Variants in PRKCH observed in about 807,000 individuals in gnomAD.
The protein encoded by PRKCH is protein kinase C eta, also known as protein kinase C eta type.
In PRKCH, 28 loss-of-function variants were observed where a neutral mutation model predicts 82.5. That is an observed-to-expected ratio of 0.34 (90% confidence interval 0.25 to 0.47). The LOEUF (loss-of-function observed/expected upper bound fraction) is 0.47. Among genes scored for constraint, PRKCH ranks in the 20% least tolerant of loss-of-function variants. The pLI is 1.00. For synonymous variants in PRKCH, 322 were observed against 327.4 expected (o/e 0.98, Z 0.18); for missense variants, 705 against 881.8 (o/e 0.80, Z 2.54).
At chr14:61,287,723 A>AG (rs1317782453) in intron 1 of PRKCH, among the ~76,000 whole-genome samples, 2 of 152,050 alleles carry the variant, frequency 1.3e-5, no homozygotes, top group Non-Finnish European at 2.9e-5. Context: ...GAAAAAAAAA[A>AG]AAGAAACTGA....
intron 1 of PRKCH, among the ~76,000 whole-genome samples, chr14:61,250,041 C>T (rs1268739539): frequency 6.7e-6 from 1 of 148,996 alleles, no homozygotes; most frequent in African/African-American, 2.5e-5. Flanking sequence ...GGGTGGATCA[C>T]TTGAGGTCAG....
At chr14:61,361,800 T>C (rs2046228723) in intron 1 of PRKCH, among the ~76,000 whole-genome samples, 2 of 152,216 alleles carry the variant, frequency 1.3e-5, no homozygotes, top group Non-Finnish European at 2.9e-5. Flanking sequence ...TTCAGAAAGA[T>C]CTTTAAAAAT....
chr14:61,459,810 A>G (rs1407345681), intron 9 of PRKCH, among the ~76,000 whole-genome samples: 1 of 152,182 alleles, frequency 6.6e-6, no homozygotes, highest in African/African-American at 2.4e-5. Flanking sequence ...AACACAAATA[A>G]TAGTATACTT....
At chr14:61,388,811 T>C (rs2046629576) in intron 1 of PRKCH, among the ~76,000 whole-genome samples, 1 of 152,174 alleles carries the variant, frequency 6.6e-6, no homozygotes, top group South Asian at 2.1e-4. Context: ...TTAACAGTAG[T>C]CATGATGCAA....
chr14:61,233,397 A>AG (rs1446226595), intron 1 of PRKCH, among the ~76,000 whole-genome samples: 1 of 151,276 alleles, frequency 6.6e-6, no homozygotes, highest in East Asian at 2.0e-4. Flanking sequence ...TCTCAAAAAA[A>AG]AAGAAAAAAA....
chr14:61,280,718 C>T lies in PRKCH; in HGVS notation c.-19+93050C>T, dbSNP rs1433601304. 1 of 1,577,688 alleles carries T rather than the reference C, an allele frequency of 6.3e-7. No individual in the cohort carries two copies. Among genetic ancestry groups the T allele is most frequent in the Admixed American group, 1.8e-5 (1 of 55,376 alleles). On this transcript the variant is annotated intron_variant, in intron 1 of 3. Transcript: ENST00000555185. This position sits in a 1 kb window ranked among gnomAD's most constrained non-coding sequence, Gnocchi z 5.0. ...CGCTGGTAGGGGGCGCACTCGTTGA[C>T]AGGGTGGCGCAGCGCGCTGGGGAGT...
chr14:61,235,702 C>T (rs569095377), intron 1 of PRKCH, among the ~76,000 whole-genome samples: 1 of 152,302 alleles, frequency 6.6e-6, no homozygotes, highest in South Asian at 2.1e-4. Flanking sequence ...AAACTTTTAT[C>T]TTTGTTAAAA....
At chr14:61,211,541 G>C (rs10444726) in intron 1 of PRKCH, among the ~76,000 whole-genome samples, 74,431 of 152,042 alleles carry the variant, frequency 0.49, 20,223 homozygotes, top group Non-Finnish European at 0.6. Flanking sequence ...AGGATGCTTT[G>C]CATATAGTAG....
intron 1 of PRKCH, among the ~76,000 whole-genome samples, chr14:61,233,873 T>C (rs1369209523): frequency 6.6e-6 from 1 of 152,142 alleles, no homozygotes; most frequent in Non-Finnish European, 1.5e-5. Context: ...GTATGTCTTT[T>C]TTAGCAGCAT....
chr14:61,322,007 C>G lies in PRKCH; in HGVS notation c.-95C>G. The G allele has an allele frequency of 2.2e-6, 3 of 1,366,572 alleles. No individual in the cohort carries two copies. Among genetic ancestry groups the G allele is most frequent in the South Asian group, 1.5e-5 (1 of 67,662 alleles). 84.7% of individuals were successfully genotyped at this position (1,366,572 alleles called of 1,614,324 possible). A position where few individuals can be genotyped will look rare whatever the true frequency, so the allele number is the denominator to read the frequency against. On this transcript the variant is annotated 5_prime_UTR_variant, in exon 1 of 14. Transcript: ENST00000332981. ...GCCTTTCCCCAGGGCTGCCTCGACT[C>G]CTGCACCTGTCCCGAGGGCTGGCCT...
At chr14:61,327,925 A>G (rs1462803216) in intron 1 of PRKCH, among the ~76,000 whole-genome samples, 1 of 152,248 alleles carries the variant, frequency 6.6e-6, no homozygotes, top group Non-Finnish European at 1.5e-5. Flanking sequence ...CCTCTGTTAA[A>G]TCAATCAATG....
chr14:61,525,682 A>C (rs1092183), intron 10 of PRKCH: 8 of 152,078 alleles, frequency 5.3e-5, no homozygotes, highest in Non-Finnish European at 1.0e-4. Flanking sequence ...CTGCGGGTCA[A>C]CGCTTGAGAC....
In PRKCH at chr14:61,280,345, C is replaced by T. The variant is rs2140092050; in HGVS notation, c.-19+92677C>T. The T allele has an allele frequency of 6.2e-7, 1 of 1,613,888 alleles. No individual in the cohort carries two copies. ...GGCCGAGTAGTTGCCCTGGCGGATG[C>T]GCGCGTACAGTTTGCGGAACGTGGG... On this transcript the variant is annotated intron_variant, in intron 1 of 3. Transcript: ENST00000555185. The surrounding 1 kb of genome is among the most constrained non-coding windows in gnomAD (Gnocchi z 5.0).
At chr14:61,265,348 G>A (rs1442723621) in intron 1 of PRKCH, among the ~76,000 whole-genome samples, 1 of 152,132 alleles carries the variant, frequency 6.6e-6, no homozygotes, top group Non-Finnish European at 1.5e-5. Flanking sequence ...GGGCATGGAG[G>A]TGAGCAGCTG....
chr14:61,201,081 G>A (rs772158933), intron 1 of PRKCH, among the ~76,000 whole-genome samples: 7 of 152,110 alleles, frequency 4.6e-5, no homozygotes, highest in Admixed American at 6.5e-5. Flanking sequence ...GAGAGAATCC[G>A]TTTAACTGTG....
intron 9 of PRKCH, among the ~76,000 whole-genome samples, chr14:61,470,809 A>G (rs1396509446): frequency 1.3e-5 from 2 of 152,054 alleles, no homozygotes; most frequent in Non-Finnish European, 2.9e-5. Flanking sequence ...ATAACTCCCA[A>G]CCAAAACAAA....
At chr14:61,188,288 T>C (rs938040822) in intron 1 of PRKCH, among the ~76,000 whole-genome samples, 14 of 152,086 alleles carry the variant, frequency 9.2e-5, no homozygotes, top group Non-Finnish European at 2.1e-4. Flanking sequence ...GCGGCCCAAC[T>C]TTCTGTGCCT....
At chr14:61,370,472 C>T (rs894612452) in intron 1 of PRKCH, among the ~76,000 whole-genome samples, 1 of 151,934 alleles carries the variant, frequency 6.6e-6, no homozygotes, top group African/African-American at 2.4e-5. Flanking sequence ...TTCTGACCCA[C>T]GAGAGGTGGG....
intron 1 of PRKCH, among the ~76,000 whole-genome samples, chr14:61,270,469 G>T (rs1446834533): frequency 1.3e-5 from 2 of 152,094 alleles, no homozygotes; most frequent in Non-Finnish European, 2.9e-5. Context: ...TACCTGCAGG[G>T]GCTCCTGTGT....
Sources: gnomAD v4.1 joint callset for allele counts (sites outside exome capture counted in the v4.1 genomes callset) on GRCh38, gnomAD v4.1.1 for gene constraint, Gnocchi (gnomAD v3.1) non-coding constraint, MANE v1.5 for transcripts, NCBI Gene and HGNC (gene_info 2026-07-23, HGNC 2026-07-21) for gene names.